Variants in SDK1 observed in about 807,000 individuals in gnomAD.
SDK1 encodes the protein protein sidekick-1.
SDK1 carries 157 observed loss-of-function variants against 245.5 expected under a neutral mutation model. The observed-to-expected ratio is 0.64, with a 90% CI of 0.56 to 0.73. The LOEUF (loss-of-function observed/expected upper bound fraction) is 0.73, where lower values mean the gene tolerates loss of function less well. Ranked by LOEUF, SDK1 falls within the 30% of genes least tolerant of loss-of-function variation. The pLI is 0.00. For synonymous variants in SDK1, 1,647 were observed against 1,278.5 expected (o/e 1.29, Z -6.15); for missense variants, 3,583 against 3,002.3 (o/e 1.19, Z -4.52).
intron 1 of SDK1, among the ~76,000 whole-genome samples, chr7:3,525,300 G>A (rs1783085955): frequency 6.6e-6 from 1 of 152,024 alleles, no homozygotes; most frequent in South Asian, 2.1e-4. Flanking sequence ...GACTGGGTTT[G>A]GGGAGTGTCA....
intron 30 of SDK1, 119 bp from the exon 31 acceptor site, chr7:4,158,329 G>C: frequency 1.3e-6 from 1 of 756,014 alleles, no homozygotes; most frequent in Non-Finnish European, 2.2e-6. Flanking sequence ...CCACACAGGA[G>C]CCCAGAGCTC....
chr7:3,547,750 A>G (rs1779276112), intron 1 of SDK1, among the ~76,000 whole-genome samples: 1 of 152,200 alleles, frequency 6.6e-6, no homozygotes, highest in Non-Finnish European at 1.5e-5. Context: ...GGAAGCAATG[A>G]TGGAAAACTG....
At chr7:3,997,875 G>A (rs1046963072) in intron 14 of SDK1, among the ~76,000 whole-genome samples, 10 of 152,200 alleles carry the variant, frequency 6.6e-5, no homozygotes, top group South Asian at 2.1e-4. Context: ...ACTCATGCTC[G>A]CCCTGACTTT....
chr7:3,547,314 A>G (rs574829082), intron 1 of SDK1, among the ~76,000 whole-genome samples: 2 of 152,302 alleles, frequency 1.3e-5, no homozygotes, highest in East Asian at 1.9e-4. Context: ...AACTAACTGT[A>G]TTGGTCAAAG....
intron 1 of SDK1, among the ~76,000 whole-genome samples, chr7:3,432,405 G>C (rs1779880338): frequency 6.6e-6 from 1 of 151,950 alleles, no homozygotes; most frequent in Non-Finnish European, 1.5e-5. Context: ...AGGTTGATTT[G>C]TACTATGGCA....
intron 1 of SDK1, among the ~76,000 whole-genome samples, chr7:3,325,962 C>G (rs1383616021): frequency 2.0e-5 from 3 of 152,034 alleles, no homozygotes; most frequent in African/African-American, 7.2e-5. Context: ...CCAGGGTACA[C>G]TCTCATAGGG....
intron 1 of SDK1, among the ~76,000 whole-genome samples, chr7:3,584,337 C>T (rs1230245423): frequency 1.3e-5 from 2 of 152,132 alleles, no homozygotes; most frequent in Non-Finnish European, 2.9e-5. Flanking sequence ...GCCTGGCGTT[C>T]CCTGTCTAGT....
At chr7:3,851,632 T>G (rs964807712) in intron 5 of SDK1, among the ~76,000 whole-genome samples, 1 of 152,160 alleles carries the variant, frequency 6.6e-6, no homozygotes, top group African/African-American at 2.4e-5. Flanking sequence ...GGAGACTTAC[T>G]AAGTAAGATT....
intron 5 of SDK1, among the ~76,000 whole-genome samples, chr7:3,821,916 C>G (rs6943978): frequency 0.11 from 17,041 of 152,096 alleles, 1,545 homozygotes; most frequent in African/African-American, 0.25. Context: ...TATCCATGAA[C>G]CTAAATCAGG....
At chr7:4,118,135 G>A (rs1438997171) in intron 25 of SDK1, among the ~76,000 whole-genome samples, 1 of 152,022 alleles carries the variant, frequency 6.6e-6, no homozygotes, top group Non-Finnish European at 1.5e-5. Context: ...ATGTCATAAA[G>A]GAAATGAAAA....
At chr7:3,843,289 A>G (rs993430268) in intron 5 of SDK1, among the ~76,000 whole-genome samples, 2 of 152,222 alleles carry the variant, frequency 1.3e-5, no homozygotes, top group Non-Finnish European at 2.9e-5. Context: ...GTAGACTCAC[A>G]TGGCTTTGTC....
intron 5 of SDK1, among the ~76,000 whole-genome samples, chr7:3,918,292 T>G (rs1227363738): frequency 6.6e-6 from 1 of 152,112 alleles, no homozygotes; most frequent in Non-Finnish European, 1.5e-5. Context: ...GAGCAGCGAG[T>G]GAGCAAGCAA....
chr7:3,959,451 G>A (rs1034407988), intron 8 of SDK1, among the ~76,000 whole-genome samples: 15 of 152,198 alleles, frequency 9.9e-5, no homozygotes, highest in South Asian at 4.1e-4. Flanking sequence ...TAGTAGGTAC[G>A]TGAGGTACAA....
At chr7:3,408,215 C>G (rs1281137396) in intron 1 of SDK1, among the ~76,000 whole-genome samples, 1 of 150,968 alleles carries the variant, frequency 6.6e-6, no homozygotes, top group African/African-American at 2.4e-5. Context: ...TTTTTTTTTT[C>G]ATAATTTTAG....
chr7:3,522,281 C>G (rs1277587989), intron 1 of SDK1, among the ~76,000 whole-genome samples: 1 of 152,076 alleles, frequency 6.6e-6, no homozygotes, highest in Admixed American at 6.6e-5. Context: ...ACTGCTTTTC[C>G]TATATGAATA....
At chr7:3,322,638 T>C (rs534424755) in intron 1 of SDK1, among the ~76,000 whole-genome samples, 1 of 152,208 alleles carries the variant, frequency 6.6e-6, no homozygotes, top group Non-Finnish European at 1.5e-5. Context: ...ACACTTACTT[T>C]CCTTTTTTAA....
intron 13 of SDK1, among the ~76,000 whole-genome samples, chr7:3,985,098 C>G (rs1783721664): frequency 6.6e-6 from 1 of 152,208 alleles, no homozygotes; most frequent in African/African-American, 2.4e-5. Flanking sequence ...CCTCTTATCC[C>G]CATGACTGGC....
intron 17 of SDK1, among the ~76,000 whole-genome samples, chr7:4,046,179 C>T (rs1389238671): frequency 1.3e-5 from 2 of 151,814 alleles, no homozygotes; most frequent in Admixed American, 6.6e-5. Context: ...TGGCCTCAAG[C>T]GATCCTCCTA....
chr7:3,990,522 G>C (rs750293), intron 14 of SDK1, among the ~76,000 whole-genome samples: 1 of 152,182 alleles, frequency 6.6e-6, no homozygotes, highest in South Asian at 2.1e-4. Context: ...TGGCCATGCT[G>C]CCTGTACGTA....
Sources: allele counts gnomAD v4.1 joint callset (sites outside exome capture counted in the v4.1 genomes callset), GRCh38; gene constraint gnomAD v4.1.1; transcripts MANE v1.5; gene names NCBI Gene and HGNC (gene_info 2026-07-23, HGNC 2026-07-21).